Variants in IDO2 observed in about 807,000 individuals in gnomAD.
The protein encoded by IDO2 is indoleamine 2,3-dioxygenase 2.
In IDO2, 46 loss-of-function variants were observed where a neutral mutation model predicts 45.1. The ratio of observed to expected loss-of-function variants is 1.02; its 90% CI spans 0.80 to 1.30. The LOEUF (loss-of-function observed/expected upper bound fraction) is 1.30. Among genes scored for constraint, IDO2 ranks in the 50% most tolerant of loss-of-function variants. The pLI is 0.00. For synonymous variants in IDO2, 218 were observed against 184.9 expected, an observed-to-expected ratio of 1.18 and a Z score of -1.45; for missense variants, 544 against 491.8, an observed-to-expected ratio of 1.11 and a Z score of -1.00.
chr8:39,938,241 G>C (rs1807587254), intron 1 of IDO2, among the ~76,000 whole-genome samples: 2 of 152,102 alleles, frequency 1.3e-5, no homozygotes, highest in South Asian at 4.2e-4. Flanking sequence ...CCAAGAGTTT[G>C]AAATCAGTGA....
intron 4 of IDO2, among the ~76,000 whole-genome samples, chr8:39,980,889 A>G (rs1585409506): frequency 2.6e-5 from 4 of 151,874 alleles, no homozygotes; most frequent in African/African-American, 7.2e-5. Context: ...AGCTGGGATT[A>G]CAGGCACCTG....
chr8:39,992,107 G>A (rs931061111), intron 8 of IDO2, among the ~76,000 whole-genome samples: 12 of 152,200 alleles, frequency 7.9e-5, no homozygotes, highest in South Asian at 4.1e-4. Context: ...GCCATCCTGC[G>A]CGCTCCTCCA....
intron 2 of IDO2, among the ~76,000 whole-genome samples, chr8:39,951,278 T>C (rs1807811015): frequency 6.7e-6 from 1 of 149,160 alleles, no homozygotes; most frequent in African/African-American, 2.4e-5. Context: ...CCCCAAGATT[T>C]TTTTTTTTTT....
chr8:39,994,929 G>A (rs1485059554), intron 8 of IDO2, among the ~76,000 whole-genome samples: 1 of 152,036 alleles, frequency 6.6e-6, no homozygotes, highest in Non-Finnish European at 1.5e-5. Context: ...TATTATCTAA[G>A]CTTAGTTTAC....
exon 10 of IDO2, chr8:40,013,587 C>T: frequency 6.2e-7 from 1 of 1,613,484 alleles, no homozygotes; most frequent in South Asian, 1.1e-5. Context: ...CCCAGCAATG[C>T]CTGCAGGGCT....
intron 1 of IDO2, among the ~76,000 whole-genome samples, chr8:39,946,121 G>A (rs1472157165): frequency 3.9e-5 from 6 of 152,168 alleles, no homozygotes; most frequent in African/African-American, 1.4e-4. Context: ...ATCAGTCCTT[G>A]AGATATTTTG....
chr8:39,955,665 C>A (rs969023145), intron 2 of IDO2, among the ~76,000 whole-genome samples: 1 of 151,954 alleles, frequency 6.6e-6, no homozygotes, highest in African/African-American at 2.4e-5. Flanking sequence ...CTACCCATCC[C>A]GCAAGGAAGA....
chr8:40,013,971 T>C (rs1802348535), intron 10 of IDO2, among the ~76,000 whole-genome samples: 1 of 152,268 alleles, frequency 6.6e-6, no homozygotes, highest in South Asian at 2.1e-4. Context: ...TCACTATCAC[T>C]TTGGTTTGGA....
chr8:40,002,340 C>T (rs1008287264), intron 8 of IDO2, among the ~76,000 whole-genome samples: 9 of 152,204 alleles, frequency 5.9e-5, no homozygotes, highest in East Asian at 1.9e-4. Context: ...TTTCCTGCAA[C>T]GATATCATCT....
chr8:39,967,179 T>TA (rs1808098465), intron 3 of IDO2, among the ~76,000 whole-genome samples: 1 of 151,928 alleles, frequency 6.6e-6, no homozygotes, highest in African/African-American at 2.4e-5. Flanking sequence ...TACAAATATA[T>TA]AAAAAAGAGA....
At chr8:39,971,760 T>A (rs1007262498) in intron 3 of IDO2, among the ~76,000 whole-genome samples, 1 of 152,012 alleles carries the variant, frequency 6.6e-6, no homozygotes, top group Non-Finnish European at 1.5e-5. Flanking sequence ...AAATTAGAAG[T>A]GGAATCTGAT....
At chr8:39,978,579 C>T (rs775763023) in intron 3 of IDO2, among the ~76,000 whole-genome samples, 3 of 152,052 alleles carry the variant, frequency 2.0e-5, no homozygotes, top group Non-Finnish European at 4.4e-5. Flanking sequence ...CCCCAGGCAG[C>T]GTCAGGGGTT....
intron 3 of IDO2, among the ~76,000 whole-genome samples, chr8:39,975,769 C>T (rs951365833): frequency 6.6e-6 from 1 of 151,982 alleles, no homozygotes; most frequent in African/African-American, 2.4e-5. Flanking sequence ...ATATAAATAC[C>T]TTAGAGCTTC....
At chr8:39,976,557 TAATA>T (rs1356477157) in intron 3 of IDO2, among the ~76,000 whole-genome samples, 3 of 152,202 alleles carry the variant, frequency 2.0e-5, no homozygotes, top group South Asian at 4.1e-4. Context: ...GAAATGCTTC[TAATA>T]AATAGGAAGT....
chr8:40,006,504 A>G (rs2129595392), intron 9 of IDO2, among the ~76,000 whole-genome samples: 1 of 152,316 alleles, frequency 6.6e-6, no homozygotes, highest in East Asian at 1.9e-4. Flanking sequence ...ATCTGTATTT[A>G]CAAATTACCC....
exon 10 of IDO2, chr8:40,013,700 T>G: frequency 6.2e-7 from 1 of 1,606,604 alleles, no homozygotes; most frequent in Non-Finnish European, 8.5e-7. Flanking sequence ...GCATTCGTCA[T>G]AGCAAGGAAA....
intron 1 of IDO2, among the ~76,000 whole-genome samples, chr8:39,947,507 C>T (rs758329630): frequency 4.9e-4 from 75 of 152,306 alleles, no homozygotes; most frequent in Non-Finnish European, 8.4e-4. Flanking sequence ...CCTTTCTCAG[C>T]GTTCCACAAG....
At chr8:39,971,792 T>C (rs1808183436) in intron 3 of IDO2, among the ~76,000 whole-genome samples, 1 of 150,254 alleles carries the variant, frequency 6.7e-6, no homozygotes, top group African/African-American at 2.4e-5. Flanking sequence ...GTTGCTGCAA[T>C]CTTACGATTG....
chr8:40,014,596 T>C (rs6474202), intron 10 of IDO2, among the ~76,000 whole-genome samples: 149,358 of 152,282 alleles, frequency 0.98, 73,314 homozygotes, highest in East Asian at 1. Context: ...GGGTTTGTGT[T>C]CTACATTTGA....
Sources: allele counts gnomAD v4.1 joint callset (sites outside exome capture counted in the v4.1 genomes callset), GRCh38; gene constraint gnomAD v4.1.1; transcripts MANE v1.5; gene names NCBI Gene and HGNC (gene_info 2026-07-23, HGNC 2026-07-21).